TTC6: variants seen among roughly 807,000 people sequenced by gnomAD.
TTC6 encodes tetratricopeptide repeat domain 6.
Under a neutral mutation model 210.4 loss-of-function variants are expected in TTC6, and 172 were observed. The observed-to-expected ratio is 0.82, with a 90% CI of 0.72 to 0.93. TTC6 has a LOEUF of 0.93. TTC6 is among the 40% of genes least tolerant of loss of function. The pLI, the probability that TTC6 is intolerant of heterozygous loss-of-function variation, is 0.00. For synonymous variants in TTC6, 804 were observed against 819.6 expected (o/e 0.98, Z 0.32); for missense variants, 2,414 against 2,318.1 (o/e 1.04, Z -0.85).
rs558838281 is a variant in TTC6, at chr14:37,799,262, T to C, written c.4029+2315T>C. On this transcript the variant is annotated intron_variant, in intron 20 of 30. Transcript: ENST00000553443. ...GCTTCATTCCATAAGCATTTAATCATGAGAAACTACCTTTAGTATAAAAAC... is the reference window on the plus strand; with the variant it reads ...GCTTCATTCCATAAGCATTTAATCACGAGAAACTACCTTTAGTATAAAAAC... Among the ~76,000 whole-genome samples the C allele has an allele frequency of 5.9e-5, 9 of 152,330 alleles. No homozygotes were observed. In the South Asian group the frequency reaches 1.7e-3, roughly 28 times the overall value.
rs574863775 is a variant in TTC6, at chr14:37,732,385, G to A, written c.1819-3536G>A. Reference sequence around the variant, plus strand: ...TTTTTAGTACAGATGGGGTTTCACCGTGTTAGCCAGGATGGTGTCGATCTC... The same window carrying A: ...TTTTTAGTACAGATGGGGTTTCACCATGTTAGCCAGGATGGTGTCGATCTC... On this transcript the variant is annotated intron_variant, in intron 7 of 30. Coordinates refer to ENST00000553443, the Ensembl canonical transcript of TTC6. 4.0e-5 allele frequency among the ~76,000 whole-genome samples: 6 copies of A among 151,080 alleles called. No individual in the cohort carries two copies. The East Asian group carries it at 7.9e-4, about 20-fold the overall frequency.
At chr14:37,670,474 C>CTTTTTTTTTTT (rs66725764) in intron 1 of TTC6, among the ~76,000 whole-genome samples, 1 of 121,326 alleles carries the variant, frequency 8.2e-6, no homozygotes, top group Non-Finnish European at 1.7e-5. Flanking sequence ...AACTACCTCA[C>CTTTTTTTTTTT]TTTTTTTTTT....
At chr14:37,714,204 C>G (rs1010105699) in intron 5 of TTC6, among the ~76,000 whole-genome samples, 6 of 152,030 alleles carry the variant, frequency 3.9e-5, no homozygotes, top group South Asian at 2.1e-4. Context: ...AGACTTGATG[C>G]CTACACAGTT....
At chr14:37,656,334 G>T (rs1382501048) in intron 1 of TTC6, among the ~76,000 whole-genome samples, 1 of 152,156 alleles carries the variant, frequency 6.6e-6, no homozygotes, top group Non-Finnish European at 1.5e-5. Flanking sequence ...AAGAATTGTT[G>T]CTCTGTGTTA....
intron 14 of TTC6, among the ~76,000 whole-genome samples, chr14:37,774,990 T>A (rs1463670156): frequency 6.6e-6 from 1 of 152,150 alleles, no homozygotes; most frequent in African/African-American, 2.4e-5. Flanking sequence ...AGGAATTTAT[T>A]CATTTCCTTT....
At chr14:37,602,283 GTTTTATTCTACATAAGATACAAAGTA>G (rs1451168563) in intron 1 of TTC6, among the ~76,000 whole-genome samples, 5 of 152,244 alleles carry the variant, frequency 3.3e-5, no homozygotes, top group Admixed American at 6.5e-5. Context: ...GATACAGAGT[GTTTTATTCTACATAAGATACAAAGTA>G]TTTTATTCTA....
intron 1 of TTC6, among the ~76,000 whole-genome samples, chr14:37,653,966 A>G (rs2139433211): frequency 1.3e-5 from 2 of 152,318 alleles, no homozygotes; most frequent in South Asian, 4.1e-4. Flanking sequence ...GTCATGTCCA[A>G]AGTAAACTTC....
At chr14:37,814,710 A>C (rs1053641837) in intron 25 of TTC6, among the ~76,000 whole-genome samples, 1 of 152,196 alleles carries the variant, frequency 6.6e-6, no homozygotes, top group African/African-American at 2.4e-5. Flanking sequence ...CCACAGAAAC[A>C]AATTGAAAGC....
chr14:37,836,139 C>T (rs540007710), intron 29 of TTC6, among the ~76,000 whole-genome samples: 1 of 152,324 alleles, frequency 6.6e-6, no homozygotes, highest in African/African-American at 2.4e-5. Flanking sequence ...TGTAAATCCT[C>T]TCTCAATTCG....
At chr14:37,795,555 C>T (rs962790572) in intron 18 of TTC6, among the ~76,000 whole-genome samples, 3 of 152,160 alleles carry the variant, frequency 2.0e-5, no homozygotes, top group African/African-American at 7.2e-5. Context: ...TCCCTTTGCT[C>T]TACCCTTGCA....
chr14:37,745,974 T>C (rs1398486735), intron 10 of TTC6, among the ~76,000 whole-genome samples: 1 of 152,202 alleles, frequency 6.6e-6, no homozygotes, highest in Non-Finnish European at 1.5e-5. Flanking sequence ...CCTGTAAGTT[T>C]TCCCCTATGT....
At position 37,841,596 on chromosome 14, in the gene TTC6, C is replaced by T. The variant is rs1039341206; in HGVS notation, c.5450C>T (p.Ala1817Val). Residue 1817 changes from alanine (A) to valine (V), a missense_variant, in exon 30 of 31, where the codon GCA (alanine) becomes GTA (valine). Ala to Val is a moderately conservative substitution (Grantham distance 64). Transcript: ENST00000553443. Reference sequence around the variant, plus strand: ...ATTGAAAGCTGTCCCTTTTGGGCTGCAGTATATTTTAATAGAGCACATTTC... The same window carrying T: ...ATTGAAAGCTGTCCCTTTTGGGCTGTAGTATATTTTAATAGAGCACATTTC... The T allele has an allele frequency of 1.9e-6, 3 of 1,606,040 alleles. No individual in the cohort carries two copies. In the African/African-American group the frequency reaches 4.0e-5, roughly 22 times the overall value.
chr14:37,725,308 G>GTATA (rs1422249080), intron 7 of TTC6, among the ~76,000 whole-genome samples: 21 of 73,360 alleles, frequency 2.9e-4, no homozygotes, highest in Non-Finnish European at 4.7e-4. Context: ...ATGTGTGTGT[G>GTATA]TGTGTATATA....
At chr14:37,635,749 C>T (rs1043164189) in intron 1 of TTC6, among the ~76,000 whole-genome samples, 3 of 151,926 alleles carry the variant, frequency 2.0e-5, no homozygotes, top group African/African-American at 4.8e-5. Flanking sequence ...GAGGCTGAGG[C>T]GGGTAGATCA....
intron 14 of TTC6, among the ~76,000 whole-genome samples, chr14:37,777,998 C>A (rs143262032): frequency 0.012 from 1,774 of 152,188 alleles, 27 homozygotes; most frequent in African/African-American, 0.04. Flanking sequence ...CTGGAGGGGC[C>A]AAGGTGTTCC....
intron 9 of TTC6, among the ~76,000 whole-genome samples, chr14:37,738,035 T>G (rs1419120613): frequency 6.6e-6 from 1 of 151,870 alleles, no homozygotes; most frequent in Non-Finnish European, 1.5e-5. Context: ...AATTATTTAT[T>G]AGCAAATGAA....
chr14:37,805,917 G>T (rs2096117552), intron 21 of TTC6, among the ~76,000 whole-genome samples: 2 of 152,050 alleles, frequency 1.3e-5, no homozygotes, highest in South Asian at 4.1e-4. Context: ...GGCCAGGATG[G>T]TCTTCATCTT....
chr14:37,690,792 A>G (rs1323531418), intron 3 of TTC6, among the ~76,000 whole-genome samples: 1 of 152,190 alleles, frequency 6.6e-6, no homozygotes, highest in Non-Finnish European at 1.5e-5. Context: ...TCAACATCCC[A>G]CCTACAGCAT....
At chr14:37,780,960 A>G (rs2096053069) in intron 14 of TTC6, among the ~76,000 whole-genome samples, 1 of 152,160 alleles carries the variant, frequency 6.6e-6, no homozygotes, top group Non-Finnish European at 1.5e-5. Context: ...ATGTGAACTC[A>G]TCCTTTTGTA....
Sources: allele counts gnomAD v4.1 joint callset (sites outside exome capture counted in the v4.1 genomes callset), GRCh38; gene constraint gnomAD v4.1.1; transcripts MANE v1.5; gene names NCBI Gene and HGNC (gene_info 2026-07-23, HGNC 2026-07-21).